CDCA5: variants seen among roughly 807,000 people sequenced by gnomAD.
CDCA5 encodes cell division cycle associated 5.
CDCA5 carries 14 observed loss-of-function variants against 25.7 expected under a neutral mutation model. The ratio of observed to expected loss-of-function variants is 0.54; its 90% CI spans 0.36 to 0.85. CDCA5 has a LOEUF of 0.85. Among genes scored for constraint, CDCA5 ranks in the 40% least tolerant of loss-of-function variants. The pLI, the probability that CDCA5 is intolerant of heterozygous loss-of-function variation, is 0.01. For missense variants in CDCA5, 307 were observed against 324.5 expected (o/e 0.95, Z 0.41); for synonymous variants, 127 against 128.7 (o/e 0.99, Z 0.09).
chr11:65,078,084 C>T lies in CDCA5; in HGVS notation c.*1023G>A. On this transcript the variant is annotated 3_prime_UTR_variant, in exon 6 of 6. Coordinates refer to ENST00000275517, the MANE Select transcript of CDCA5 (RefSeq NM_080668.4). ...ATAGGGAGGCCAAAAACTAAAATTG[C>T]TATCAGCCCCCGCCGCTGTCTGGTA... 2.0e-6 allele frequency: 2 copies of T among 985,432 alleles called. No homozygotes were observed. The highest frequency in any genetic ancestry group is 1.2e-6 in the Non-Finnish European group (1 of 829,960). The allele number at this position is 985,432 out of a possible 1,614,324, so 61.0% of individuals were successfully genotyped here. A position where few individuals can be genotyped will look rare whatever the true frequency, so the allele number is the denominator to read the frequency against.
chr11:65,066,524 C>G (rs1438594481), intron 6 of CDCA5: 1 of 1,289,298 alleles, frequency 7.8e-7, no homozygotes, highest in East Asian at 5.6e-5. Flanking sequence ...CGCCTCTTCC[C>G]TCCCCGCTGC....
chr11:65,078,639 A>T lies in CDCA5; in HGVS notation c.*468T>A. 1 of 989,824 alleles carries T rather than the reference A, an allele frequency of 1.0e-6. No individual in the cohort carries two copies. The highest frequency in any genetic ancestry group is 1.7e-5 in the African/African-American group (1 of 57,530). 61.3% of individuals were successfully genotyped at this position (989,824 alleles called of 1,614,324 possible). A position where few individuals can be genotyped will look rare whatever the true frequency, so the allele number is the denominator to read the frequency against. Reference sequence around the variant, plus strand: ...CCCACGGAACTGAAAACCTCTTTACACAGGTGGGTTCAAGAAGAAAGCCAC... The same window carrying T: ...CCCACGGAACTGAAAACCTCTTTACTCAGGTGGGTTCAAGAAGAAAGCCAC... On this transcript the variant is annotated 3_prime_UTR_variant, in exon 6 of 6. Transcript: ENST00000275517.
exon 7 of CDCA5, chr11:65,066,463 G>A (rs548150): frequency 0.58 from 748,125 of 1,284,880 alleles, 227,520 homozygotes; most frequent in Middle Eastern, 0.64. Flanking sequence ...GCCTTCCGGG[G>A]GTTTGGGTCA....
chr11:65,084,003 T>G lies in CDCA5; in HGVS notation c.-25A>C, dbSNP rs757355571. On this transcript the variant is annotated 5_prime_UTR_variant, in exon 1 of 6. Transcript: ENST00000275517. ...TAACTTAGGCTCCGTCTCGAGCTCCTCCAGCGCCGCCGCCCCGGGCGCGCG... is the reference window on the plus strand; with the variant it reads ...TAACTTAGGCTCCGTCTCGAGCTCCGCCAGCGCCGCCGCCCCGGGCGCGCG... 13 of 1,599,284 alleles carry G rather than the reference T, an allele frequency of 8.1e-6. No homozygotes were observed. The highest frequency in any genetic ancestry group is 1.0e-5 in the Non-Finnish European group (12 of 1,173,638).
At chr11:65,067,078 G>A (rs958629537) in intron 4 of CDCA5, among the ~76,000 whole-genome samples, 1 of 152,224 alleles carries the variant, frequency 6.6e-6, no homozygotes, top group Non-Finnish European at 1.5e-5. Context: ...TTGGTAGCAG[G>A]GGACCGAGAG....
Position 65,079,677 on chromosome 11 carries a change from C to T in CDCA5, c.354G>A (p.Pro118=), listed in dbSNP as rs139986375. The T allele has an allele frequency of 6.3e-6, 10 of 1,598,658 alleles. No individual in the cohort carries two copies. Among genetic ancestry groups the T allele is most frequent in the East Asian group, 4.5e-5 (2 of 44,422 alleles). The part of the protein sequence containing the change: ...VPATPTSTPV[P]NPEAESSSKE... The stretch of plus-strand genomic sequence containing the variant: ...TGGAGCTGGACTCGGCCTCAGGGTT[C>T]GGCACAGGAGTGCTGGTGGGGGTGG... Residue 118 remains proline, a synonymous_variant, in exon 5 of 6, where the codon CCG becomes CCA. Coordinates refer to ENST00000275517, the MANE Select transcript of CDCA5 (RefSeq NM_080668.4).
At chr11:65,076,640 C>T (rs2137110990), downstream of CDCA5, among the ~76,000 whole-genome samples, 1 of 152,298 alleles carries the variant, frequency 6.6e-6, no homozygotes. Context: ...GAGGCAAGTA[C>T]AAGTGTGGAG....
chr11:65,077,335 T>G, downstream of CDCA5: 2 of 310,544 alleles, frequency 6.4e-6, no homozygotes, highest in Non-Finnish European at 9.4e-6. Context: ...ATGGGGCGAA[T>G]GCGGGGAAGC....
chr11:65,079,381 C>A lies in CDCA5; in HGVS notation c.650G>T (p.Arg217Leu). ...GATCTCTGGCATTTTCTTCTTCTTA[C>A]GTTTCTGTTTCTCGGGTGGTGGGGA... ...GISPPPEKQK[R>L]KKKKMPEILK... Residue 217 changes from arginine to leucine, a missense_variant, in exon 5 of 6, where the codon CGT becomes CTT. Transcript: ENST00000275517. The A allele has an allele frequency of 6.2e-7, 1 of 1,614,094 alleles. No homozygotes were observed. The highest frequency in any genetic ancestry group is 1.1e-5 in the South Asian group (1 of 91,058).
At position 65,069,945 on chromosome 11, in the gene CDCA5, G is replaced by T. The variant is rs185408471; in HGVS notation, c.64-1344C>A. Among the ~76,000 whole-genome samples, 74 of 152,350 alleles carry T rather than the reference G, an allele frequency of 4.9e-4. No homozygotes were observed. The East Asian group carries it at 0.013, about 26-fold the overall frequency. On this transcript the variant is annotated intron_variant, in intron 1 of 6. Transcript: ENST00000525464. ...GTTTGCAGCTGACCACAGTGCGGGGGGATGAGCCACACAGAGGTTTGTACA... is the reference window on the plus strand; with the variant it reads ...GTTTGCAGCTGACCACAGTGCGGGGTGATGAGCCACACAGAGGTTTGTACA...
downstream of CDCA5, among the ~76,000 whole-genome samples, chr11:65,072,624 CCT>C (rs1947361971): frequency 6.6e-6 from 1 of 152,188 alleles, no homozygotes; most frequent in Non-Finnish European, 1.5e-5. Context: ...CTCTGAAGCC[CCT>C]GTCCCCAGCT....
At chr11:65,082,653 G>C (rs1947596059) in intron 4 of CDCA5, among the ~76,000 whole-genome samples, 1 of 151,746 alleles carries the variant, frequency 6.6e-6, no homozygotes, top group South Asian at 2.1e-4. Flanking sequence ...GTAGACACAG[G>C]GTTTCACCAC....
exon 3 of CDCA5, chr11:65,068,069 A>C: frequency 7.8e-7 from 1 of 1,289,114 alleles, no homozygotes; most frequent in East Asian, 5.6e-5. Context: ...GGTGTTCAGG[A>C]GTGTAAACAG....
chr11:65,066,453 G>A (rs1947237648), exon 7 of CDCA5: 1 of 1,282,730 alleles, frequency 7.8e-7, no homozygotes, highest in Non-Finnish European at 1.0e-6. Flanking sequence ...GAGGAGACCT[G>A]CCTTCCGGGG....
At chr11:65,068,033 G>C (rs1216674380) in exon 3 of CDCA5, 1 of 1,288,800 alleles carries the variant, frequency 7.8e-7, no homozygotes, top group Non-Finnish European at 1.0e-6. Context: ...TTACGATTCA[G>C]GGTCTTTTGG....
At chr11:65,064,388 A>G (rs1565261263), downstream of CDCA5, among the ~76,000 whole-genome samples, 1 of 141,676 alleles carries the variant, frequency 7.1e-6, no homozygotes, top group East Asian at 2.2e-4. Context: ...ACTGCACTGT[A>G]GCGTGGGCGA....
chr11:65,062,742 G>T (rs1049649553), downstream of CDCA5, among the ~76,000 whole-genome samples: 1 of 152,002 alleles, frequency 6.6e-6, no homozygotes, highest in African/African-American at 2.4e-5. Context: ...GACCAGCCTG[G>T]GCAACATAGT....
At chr11:65,069,183 T>C (rs1217023581) in intron 1 of CDCA5, among the ~76,000 whole-genome samples, 2 of 135,000 alleles carry the variant, frequency 1.5e-5, no homozygotes, top group Non-Finnish European at 3.0e-5. Context: ...GAGGCTACAC[T>C]CAGGTGTGTT....
chr11:65,071,902 T>C (rs1200307252), intron 1 of CDCA5, among the ~76,000 whole-genome samples: 1 of 152,134 alleles, frequency 6.6e-6, no homozygotes, highest in Non-Finnish European at 1.5e-5. Context: ...CTGCTGCTCA[T>C]AGGTGGGGCA....
Sources: allele counts gnomAD v4.1 joint callset (sites outside exome capture counted in the v4.1 genomes callset), GRCh38; gene constraint gnomAD v4.1.1; transcripts MANE v1.5; gene names NCBI Gene and HGNC (gene_info 2026-07-23, HGNC 2026-07-21).